MYO16: variants seen among roughly 807,000 people sequenced by gnomAD.
MYO16 encodes the protein unconventional myosin-XVI.
A neutral mutation model predicts 205.3 loss-of-function variants in MYO16; 94 were observed. The observed-to-expected ratio is 0.46, with a 90% CI of 0.39 to 0.54. MYO16 has a LOEUF of 0.54. Among genes scored for constraint, MYO16 ranks in the 20% least tolerant of loss-of-function variants. The pLI is 0.00. For missense variants in MYO16, 2,315 were observed against 2,387.5 expected (o/e 0.97, Z 0.63); for synonymous variants, 988 against 954.0 (o/e 1.04, Z -0.66).
At chr13:109,158,545 G>A (rs569250715) in intron 32 of MYO16, among the ~76,000 whole-genome samples, 4 of 152,256 alleles carry the variant, frequency 2.6e-5, no homozygotes, top group African/African-American at 9.6e-5. Flanking sequence ...AAGGTGAGCC[G>A]GAGGTGACGT....
intron 12 of MYO16, among the ~76,000 whole-genome samples, chr13:108,879,550 C>G (rs1879498646): frequency 2.0e-5 from 3 of 152,108 alleles, no homozygotes; most frequent in Non-Finnish European, 4.4e-5. Flanking sequence ...TGTGATGTTC[C>G]CCACCCTGTG....
intron 1 of MYO16, among the ~76,000 whole-genome samples, chr13:108,650,893 A>G (rs1245665123): frequency 6.6e-6 from 1 of 152,224 alleles, no homozygotes; most frequent in South Asian, 2.1e-4. Flanking sequence ...TTCTGATCTT[A>G]AAGGGCCAGA....
At chr13:108,521,848 C>T in the MYO16 span, among the ~76,000 whole-genome samples, 5 of 152,240 alleles carry the variant, frequency 3.3e-5, no homozygotes, top group East Asian at 1.9e-4. Context: ...ATTTTGTATA[C>T]GTTTTATACT....
chr13:109,144,058 T>C (rs1380004707), intron 32 of MYO16, among the ~76,000 whole-genome samples: 2 of 151,350 alleles, frequency 1.3e-5, no homozygotes. Context: ...AGTTTTGCTC[T>C]TGTTGGAGGG....
chr13:109,036,818 A>G (rs972615711), intron 23 of MYO16, among the ~76,000 whole-genome samples: 3 of 152,196 alleles, frequency 2.0e-5, no homozygotes, highest in Non-Finnish European at 4.4e-5. Flanking sequence ...AAGATCAGTT[A>G]TGTAAAGAGA....
intron 32 of MYO16, among the ~76,000 whole-genome samples, chr13:109,156,481 A>T (rs181477092): frequency 6.6e-6 from 1 of 152,220 alleles, no homozygotes; most frequent in Non-Finnish European, 1.5e-5. Context: ...TATGCCTTAC[A>T]TAGCACTCTC....
chr13:108,916,256 C>G (rs1881489919), intron 16 of MYO16, among the ~76,000 whole-genome samples: 1 of 152,154 alleles, frequency 6.6e-6, no homozygotes, highest in Non-Finnish European at 1.5e-5. Flanking sequence ...CAGGCACTCT[C>G]TGAAGTGTTT....
At chr13:108,626,661 G>T (rs191325485), upstream of MYO16, among the ~76,000 whole-genome samples, 1 of 151,714 alleles carries the variant, frequency 6.6e-6, no homozygotes, top group Non-Finnish European at 1.5e-5. Flanking sequence ...AAAATTAGCT[G>T]GGCATGGTAG....
At chr13:108,857,102 T>G (rs1878221251) in intron 11 of MYO16, among the ~76,000 whole-genome samples, 1 of 152,204 alleles carries the variant, frequency 6.6e-6, no homozygotes, top group African/African-American at 2.4e-5. Flanking sequence ...GTTTTTTTGT[T>G]TGTTTGTTTC....
At chr13:108,823,976 C>T (rs1314318045) in intron 9 of MYO16, among the ~76,000 whole-genome samples, 3 of 152,054 alleles carry the variant, frequency 2.0e-5, no homozygotes, top group Non-Finnish European at 2.9e-5. Context: ...TCGGAATCTA[C>T]TGACTGTGGG....
At chr13:109,029,052 C>T (rs891238933) in intron 23 of MYO16, among the ~76,000 whole-genome samples, 22 of 149,622 alleles carry the variant, frequency 1.5e-4, no homozygotes, top group African/African-American at 3.7e-4. Context: ...ATGCTGCAGT[C>T]GATTCTAGAT....
intron 1 of MYO16, among the ~76,000 whole-genome samples, chr13:108,636,569 A>G (rs1201220192): frequency 1.3e-5 from 2 of 151,990 alleles, no homozygotes; most frequent in Non-Finnish European, 2.9e-5. Flanking sequence ...TAGTAGAGAC[A>G]GGGTTTCACC....
intron 1 of MYO16, among the ~76,000 whole-genome samples, chr13:108,648,013 A>C (rs1880829220): frequency 6.6e-6 from 1 of 152,200 alleles, no homozygotes; most frequent in African/African-American, 2.4e-5. Flanking sequence ...CCCTGTATTC[A>C]TGAAGTTTAT....
intron 12 of MYO16, among the ~76,000 whole-genome samples, chr13:108,871,896 T>A (rs1405677559): frequency 1.3e-5 from 2 of 152,244 alleles, no homozygotes; most frequent in Admixed American, 1.3e-4. Flanking sequence ...TGCCATTAGA[T>A]GCTTGATTTG....
At chr13:109,026,692 A>G (rs1453448924) in intron 23 of MYO16, among the ~76,000 whole-genome samples, 3 of 152,148 alleles carry the variant, frequency 2.0e-5, no homozygotes, top group Non-Finnish European at 2.9e-5. Flanking sequence ...TCTCTAACCC[A>G]GGTTTTTGCA....
intron 2 of MYO16, among the ~76,000 whole-genome samples, chr13:108,678,956 C>T (rs761397792): frequency 3.9e-5 from 6 of 152,108 alleles, no homozygotes; most frequent in Non-Finnish European, 8.8e-5. Context: ...ATGGCAGCTT[C>T]TTACTAGGTA....
intron 4 of MYO16, among the ~76,000 whole-genome samples, chr13:108,784,968 G>A (rs1886413720): frequency 1.3e-5 from 2 of 152,190 alleles, no homozygotes; most frequent in African/African-American, 4.8e-5. Context: ...GGCAAGGGGT[G>A]AAACAGAGTG....
At chr13:108,860,597 GA>G (rs1463849057) in intron 11 of MYO16, among the ~76,000 whole-genome samples, 9 of 152,134 alleles carry the variant, frequency 5.9e-5, no homozygotes, top group African/African-American at 2.2e-4. Flanking sequence ...CTGCTTTCCA[GA>G]ATGTTTGAAC....
chr13:109,148,139 T>C (rs1465407727), intron 32 of MYO16, among the ~76,000 whole-genome samples: 2 of 152,296 alleles, frequency 1.3e-5, no homozygotes, highest in East Asian at 3.9e-4. Flanking sequence ...AATAATACTG[T>C]GTTCATCTAC....
Sources: allele counts gnomAD v4.1 joint callset (sites outside exome capture counted in the v4.1 genomes callset), GRCh38; gene constraint gnomAD v4.1.1; transcripts MANE v1.5; gene names NCBI Gene and HGNC (gene_info 2026-07-23, HGNC 2026-07-21).